The following DSCAM variants were observed in gnomAD, a reference collection of about 807,000 sequenced individuals.
DSCAM encodes cell adhesion molecule DSCAM.
DSCAM carries 47 observed loss-of-function variants against 217.7 expected under a neutral mutation model. The ratio of observed to expected loss-of-function variants is 0.22; its 90% CI spans 0.17 to 0.28. DSCAM has a LOEUF of 0.28. Ranked by LOEUF, DSCAM falls within the 10% of genes least tolerant of loss-of-function variation. The probability of loss-of-function intolerance (pLI) is 1.00; values close to 1 mark genes in which losing one functional copy is unlikely to be tolerated. For missense variants in DSCAM, 2,080 were observed against 2,618.3 expected (o/e 0.79, Z 4.49); for synonymous variants, 1,056 against 1,015.3 (o/e 1.04, Z -0.76).
At chr21:40,266,195 GA>G (rs1213369740) in intron 11 of DSCAM, among the ~76,000 whole-genome samples, 1 of 151,978 alleles carries the variant, frequency 6.6e-6, no homozygotes, top group Non-Finnish European at 1.5e-5. Context: ...CAAAGGACCT[GA>G]ATGGATATTT....
chr21:40,445,565 C>T (rs574672478), intron 3 of DSCAM, among the ~76,000 whole-genome samples: 3 of 152,248 alleles, frequency 2.0e-5, no homozygotes, highest in East Asian at 1.9e-4. Context: ...CTCCCTTGCC[C>T]ATCATCACTT....
intron 16 of DSCAM, among the ~76,000 whole-genome samples, chr21:40,146,958 T>C (rs1443958528): frequency 6.6e-6 from 1 of 152,240 alleles, no homozygotes; most frequent in Non-Finnish European, 1.5e-5. Context: ...ATTAATCAAA[T>C]GAATTTCCCT....
intron 3 of DSCAM, among the ~76,000 whole-genome samples, chr21:40,623,190 C>A (rs577824984): frequency 4.6e-5 from 7 of 151,936 alleles, no homozygotes; most frequent in African/African-American, 1.7e-4. Context: ...TGAAGCGGGG[C>A]CCTGGCTGAC....
At chr21:40,436,638 G>C (rs1215210660) in intron 3 of DSCAM, among the ~76,000 whole-genome samples, 1 of 152,174 alleles carries the variant, frequency 6.6e-6, no homozygotes, top group African/African-American at 2.4e-5. Context: ...CCAGTTCTGT[G>C]GGATATGATG....
rs552085414 is a variant in DSCAM, at chr21:40,342,647, TA to T, written c.1211-3233del. On this transcript the variant is annotated intron_variant, in intron 6 of 32. Transcript: ENST00000400454. The stretch of plus-strand genomic sequence containing the variant: ...GTGTGTATATATATATATATATATA[TA>T]TTTTTTTTTTTTTTTTGAGACAGTG... 5.1e-3 allele frequency among the ~76,000 whole-genome samples: 583 copies of T among 113,208 alleles called. 5 individuals carry two copies. Among genetic ancestry groups the T allele is most frequent in the African/African-American group, 0.011 (303 of 26,730 alleles). The allele number at this position is 113,208 out of a possible 152,430, so 74.3% of individuals were successfully genotyped here. A position where few individuals can be genotyped will look rare whatever the true frequency, so the allele number is the denominator to read the frequency against.
At chr21:40,073,654 T>C (rs975417984) in intron 27 of DSCAM, among the ~76,000 whole-genome samples, 4 of 152,222 alleles carry the variant, frequency 2.6e-5, no homozygotes, top group Admixed American at 6.5e-5. Flanking sequence ...TCCTTCTTTT[T>C]CACTGATGCG....
At chr21:40,366,299 T>C (rs952498541) in intron 4 of DSCAM, among the ~76,000 whole-genome samples, 13 of 152,164 alleles carry the variant, frequency 8.5e-5, no homozygotes, top group Admixed American at 8.5e-4. Flanking sequence ...TTTCATCATC[T>C]TTGTCAGACA....
At chr21:40,247,536 C>G (rs542456584) in intron 11 of DSCAM, among the ~76,000 whole-genome samples, 498 of 152,348 alleles carry the variant, frequency 3.3e-3, no homozygotes, top group Non-Finnish European at 5.6e-3. Flanking sequence ...TCTTAAAGTT[C>G]CAAAATGATC....
intron 3 of DSCAM, among the ~76,000 whole-genome samples, chr21:40,665,761 C>A (rs1401012218): frequency 6.6e-6 from 1 of 152,196 alleles, no homozygotes; most frequent in African/African-American, 2.4e-5. Flanking sequence ...CATGGCAATG[C>A]CCAATCCATC....
chr21:40,135,128 C>A (rs922482596), intron 18 of DSCAM, among the ~76,000 whole-genome samples: 1 of 152,146 alleles, frequency 6.6e-6, no homozygotes, highest in East Asian at 1.9e-4. Flanking sequence ...ATGAGAAGGG[C>A]CTGAGAACTG....
intron 1 of DSCAM, among the ~76,000 whole-genome samples, chr21:40,713,924 C>T (rs889870323): frequency 6.6e-5 from 10 of 152,168 alleles, no homozygotes; most frequent in East Asian, 3.9e-4. Context: ...GGGACCTATC[C>T]GCTGCATTGT....
At chr21:40,816,854 G>A (rs1337350967) in intron 1 of DSCAM, among the ~76,000 whole-genome samples, 1 of 151,786 alleles carries the variant, frequency 6.6e-6, no homozygotes, top group African/African-American at 2.4e-5. Context: ...ATAGACTAAA[G>A]TTTCCCCAAA....
intron 30 of DSCAM, among the ~76,000 whole-genome samples, chr21:40,051,646 T>C: frequency 6.6e-6 from 1 of 152,210 alleles, no homozygotes; most frequent in South Asian, 2.1e-4. Flanking sequence ...AATACTGGCA[T>C]ACAGCAGATA....
intron 11 of DSCAM, among the ~76,000 whole-genome samples, chr21:40,253,980 G>A (rs965854448): frequency 1.3e-4 from 20 of 152,190 alleles, no homozygotes; most frequent in South Asian, 2.1e-4. Flanking sequence ...GGAAGCCTGG[G>A]ACCCCACTCA....
At chr21:40,115,351 G>T (rs1392380746) in intron 20 of DSCAM, among the ~76,000 whole-genome samples, 3 of 152,118 alleles carry the variant, frequency 2.0e-5, no homozygotes, top group African/African-American at 7.2e-5. Flanking sequence ...ACTCATAGGT[G>T]GGAATTGAAC....
At chr21:40,589,808 C>G (rs1042309532) in intron 3 of DSCAM, among the ~76,000 whole-genome samples, 5 of 152,166 alleles carry the variant, frequency 3.3e-5, no homozygotes, top group African/African-American at 1.2e-4. Flanking sequence ...CTTCTGCACA[C>G]AAACTATTTG....
intron 3 of DSCAM, among the ~76,000 whole-genome samples, chr21:40,688,961 C>T (rs2090511867): frequency 6.6e-6 from 1 of 152,194 alleles, no homozygotes; most frequent in African/African-American, 2.4e-5. Context: ...CCTGCGTCTA[C>T]CTTCAGGCCA....
intron 3 of DSCAM, among the ~76,000 whole-genome samples, chr21:40,459,642 A>G (rs553574906): frequency 2.6e-5 from 4 of 152,360 alleles, no homozygotes. Flanking sequence ...AGCGGAATGC[A>G]GACTCTACTT....
chr21:40,639,075 A>G (rs1467371), intron 3 of DSCAM, among the ~76,000 whole-genome samples: 1 of 145,994 alleles, frequency 6.8e-6, no homozygotes, highest in Non-Finnish European at 1.5e-5. Flanking sequence ...AATATCCTGC[A>G]TTTTTTTTTT....
Sources: gnomAD v4.1 joint callset for allele counts (sites outside exome capture counted in the v4.1 genomes callset) on GRCh38, gnomAD v4.1.1 for gene constraint, MANE v1.5 for transcripts, NCBI Gene and HGNC (gene_info 2026-07-23, HGNC 2026-07-21) for gene names.